PRPF3: variants seen among roughly 807,000 people sequenced by gnomAD.
The protein encoded by PRPF3 is U4/U6 small nuclear ribonucleoprotein Prp3.
PRPF3 carries 3 observed loss-of-function variants against 89.2 expected under a neutral mutation model. The ratio of observed to expected loss-of-function variants is 0.03; its 90% CI spans 0.02 to 0.09. The LOEUF (loss-of-function observed/expected upper bound fraction) is 0.09, where lower values mean the gene tolerates loss of function less well. Among genes scored for constraint, PRPF3 ranks in the 10% least tolerant of loss-of-function variants. The pLI is 1.00. For missense variants in PRPF3, 463 were observed against 828.8 expected (o/e 0.56, Z 5.42); for synonymous variants, 270 against 289.1 (o/e 0.93, Z 0.67).
intron 14 of PRPF3, among the ~76,000 whole-genome samples, chr1:150,348,111 G>A (rs782603544): frequency 6.6e-6 from 1 of 152,090 alleles, no homozygotes; most frequent in African/African-American, 2.4e-5. Context: ...GGCCTGGTGT[G>A]ATGGCTTATG....
At position 150,333,270 on chromosome 1, in the gene PRPF3, A is replaced by G. The variant is rs587665771; in HGVS notation, c.728+71A>G. On this transcript the variant is annotated intron_variant, in intron 6 of 15. Coordinates refer to ENST00000324862, the MANE Select transcript of PRPF3 (RefSeq NM_004698.4). ...GAAGCAATAAATACCTTTGAATGTT[A>G]CTGATCTGGCTGGGCGCAGTGCCTC... The G allele has an allele frequency of 2.2e-5, 33 of 1,523,714 alleles. No individual in the cohort carries two copies. The African/African-American group carries it at 2.9e-4, about 13-fold the overall frequency. 94.4% of individuals were successfully genotyped at this position (1,523,714 alleles called of 1,614,324 possible). A position where few individuals can be genotyped will look rare whatever the true frequency, so the allele number is the denominator to read the frequency against.
chr1:150,322,812 A>C (rs1553862473), intron 1 of PRPF3, among the ~76,000 whole-genome samples: 1 of 151,954 alleles, frequency 6.6e-6, no homozygotes, highest in Non-Finnish European at 1.5e-5. Context: ...GATAAGTGGC[A>C]CTGCTGGGAA....
At chr1:150,331,777 A>T (rs906389760) in intron 4 of PRPF3, among the ~76,000 whole-genome samples, 1 of 152,202 alleles carries the variant, frequency 6.6e-6, no homozygotes, top group East Asian at 1.9e-4. Context: ...TGCAAAATGT[A>T]AGAGGAGTTG....
At position 150,333,002 on chromosome 1, in the gene PRPF3, A is replaced by G; in HGVS notation, c.531A>G (p.Gln177=). The G allele has an allele frequency of 6.2e-7, 1 of 1,613,694 alleles. No homozygotes were observed. The highest frequency in any genetic ancestry group is 8.5e-7 in the Non-Finnish European group (1 of 1,179,940). Residue 177 remains glutamine, a synonymous_variant, in exon 6 of 16, where the codon CAA becomes CAG. Transcript: ENST00000324862. Reference sequence around the variant, plus strand: ...AGCCAAAGACTCCTTCTTCCTCCCAACCAGAACGACTTCCTATTGGCAACA... The same window carrying G: ...AGCCAAAGACTCCTTCTTCCTCCCAGCCAGAACGACTTCCTATTGGCAACA... ...TPQPKTPSSS[Q]PERLPIGNTI...
intron 9 of PRPF3, among the ~76,000 whole-genome samples, chr1:150,341,531 G>C (rs1403062093): frequency 6.7e-6 from 1 of 149,658 alleles, no homozygotes; most frequent in Non-Finnish European, 1.5e-5. Context: ...TCAGCCTCCT[G>C]AGTAGCTGGG....
At chr1:150,342,806 C>G (rs1657902551) in intron 9 of PRPF3, among the ~76,000 whole-genome samples, 1 of 151,960 alleles carries the variant, frequency 6.6e-6, no homozygotes, top group African/African-American at 2.4e-5. Context: ...CAGGTGTGAT[C>G]CACCGCACCT....
rs782215117 is a variant in PRPF3, at chr1:150,336,096, T to C, written c.1035+855T>C. On this transcript the variant is annotated intron_variant, in intron 7 of 15. Transcript: ENST00000324862. ...TCTATTATTATTTTATTGTAATATA[T>C]GATGAAATAATTATATAACTCACCA... 3.9e-5 allele frequency among the ~76,000 whole-genome samples: 6 copies of C among 152,280 alleles called. No homozygotes were observed. In the South Asian group the frequency reaches 1.2e-3, roughly 32 times the overall value.
At chr1:150,350,824 G>A (rs1658850573) in intron 15 of PRPF3, among the ~76,000 whole-genome samples, 2 of 152,110 alleles carry the variant, frequency 1.3e-5, no homozygotes, top group African/African-American at 4.8e-5. Flanking sequence ...AGCCTGGCCT[G>A]GTGGCGTCTG....
intron 6 of PRPF3, among the ~76,000 whole-genome samples, chr1:150,334,236 G>T (rs1030819283): frequency 6.6e-6 from 1 of 152,126 alleles, no homozygotes; most frequent in Non-Finnish European, 1.5e-5. Context: ...GGCCTGGGAG[G>T]TTGAGGTTGC....
At chr1:150,328,117 A>C in intron 3 of PRPF3, 1 of 582,650 alleles carries the variant, frequency 1.7e-6, no homozygotes, top group Non-Finnish European at 3.1e-6. Flanking sequence ...ATGGGAATGA[A>C]ATTTGTTTGA....
At chr1:150,347,529 G>A (rs978103710) in intron 14 of PRPF3, among the ~76,000 whole-genome samples, 1 of 151,998 alleles carries the variant, frequency 6.6e-6, no homozygotes, top group Non-Finnish European at 1.5e-5. Flanking sequence ...TCAGGAGTTC[G>A]TAACAGCCTG....
intron 15 of PRPF3, 32 bp from the exon 16 acceptor site, chr1:150,352,801 T>C: frequency 6.2e-7 from 1 of 1,606,178 alleles, no homozygotes; most frequent in Non-Finnish European, 8.5e-7. Context: ...AATAAGAAAT[T>C]GAAGTGTTTT....
intron 14 of PRPF3, among the ~76,000 whole-genome samples, chr1:150,347,032 C>T (rs1658336806): frequency 4.6e-5 from 7 of 151,970 alleles, no homozygotes. Flanking sequence ...GTCGAGGCTG[C>T]AGTAAGCTGT....
At chr1:150,344,408 T>C in intron 11 of PRPF3, 26 bp from the exon 12 acceptor site, 1 of 1,614,158 alleles carries the variant, frequency 6.2e-7, no homozygotes, top group Non-Finnish European at 8.5e-7. Flanking sequence ...CTTTCTCACT[T>C]GTGGATGTCC....
chr1:150,342,457 T>G (rs1351229684), intron 9 of PRPF3, among the ~76,000 whole-genome samples: 6 of 152,194 alleles, frequency 3.9e-5, no homozygotes, highest in African/African-American at 1.4e-4. Context: ...ATTTTAATCT[T>G]ACTGATCCCT....
intron 9 of PRPF3, among the ~76,000 whole-genome samples, chr1:150,342,526 A>G (rs1217105026): frequency 6.7e-6 from 1 of 149,946 alleles, no homozygotes; most frequent in Non-Finnish European, 1.5e-5. Context: ...ACACACACAC[A>G]TGTTTTTTGA....
intron 9 of PRPF3, among the ~76,000 whole-genome samples, chr1:150,342,438 C>T (rs372614671): frequency 7.9e-5 from 12 of 152,160 alleles, no homozygotes; most frequent in African/African-American, 2.4e-4. Context: ...GGGCACCAGG[C>T]CTGAACTGAT....
chr1:150,335,427 C>T (rs782472481), intron 7 of PRPF3, among the ~76,000 whole-genome samples, 186 bp downstream of exon 7: 70 of 152,050 alleles, frequency 4.6e-4, no homozygotes, highest in Non-Finnish European at 6.9e-4. Flanking sequence ...AGGATGGTTT[C>T]GTGATGGTTC....
At chr1:150,328,136 G>T in intron 3 of PRPF3, 184 bp from the exon 4 acceptor site, 2 of 626,798 alleles carry the variant, frequency 3.2e-6, no homozygotes, top group Non-Finnish European at 5.6e-6. Flanking sequence ...GACTGGATTA[G>T]GAGAATGTTG....
Sources: gnomAD v4.1 joint callset for allele counts (sites outside exome capture counted in the v4.1 genomes callset) on GRCh38, gnomAD v4.1.1 for gene constraint, MANE v1.5 for transcripts, NCBI Gene and HGNC (gene_info 2026-07-23, HGNC 2026-07-21) for gene names.